NUP85: variants seen among roughly 807,000 people sequenced by gnomAD.
NUP85 encodes the protein nucleoporin 85.
Under a neutral mutation model 92.8 loss-of-function variants are expected in NUP85, and 23 were observed. That is an observed-to-expected ratio of 0.25 (90% CI 0.18 to 0.35). The LOEUF is 0.35. NUP85 is among the 10% of genes least tolerant of loss of function. The pLI is 1.00. For synonymous variants in NUP85, 314 were observed against 306.9 expected (o/e 1.02, Z -0.24); for missense variants, 759 against 822.8 (o/e 0.92, Z 0.95).
chr17:75,218,561 A>G (rs1307403552), intron 7 of NUP85, among the ~76,000 whole-genome samples: 1 of 150,788 alleles, frequency 6.6e-6, no homozygotes, highest in Non-Finnish European at 1.5e-5. Flanking sequence ...TCTAAGGAAG[A>G]GAAGACACAA....
At position 75,234,712 on chromosome 17, in the gene NUP85, T is replaced by C; in HGVS notation, c.1691T>C (p.Met564Thr). The C allele has an allele frequency of 1.2e-6, 2 of 1,614,260 alleles. No homozygotes were observed. Among genetic ancestry groups the C allele is most frequent in the Middle Eastern group, 3.3e-4 (2 of 6,062 alleles). The change falls in exon 17 of 19, where the codon ATG (methionine) becomes ACG (threonine). Residue 564 changes from methionine (M) to threonine (T), a missense_variant. By Grantham distance (81) the Met-to-Thr change is moderately conservative. Coordinates refer to ENST00000245544, the MANE Select transcript of NUP85 (RefSeq NM_024844.5). The stretch of plus-strand genomic sequence containing the variant: ...GCAGCTTCTCTCCTTCTGTCCTTGA[T>C]GACGTCTCGGATTGCCCCTCGGTCT... ...ADAASLLLSL[M>T]TSRIAPRSFW...
chr17:75,217,577 T>C (rs141523480), intron 6 of NUP85, among the ~76,000 whole-genome samples: 3 of 152,214 alleles, frequency 2.0e-5, no homozygotes, highest in African/African-American at 7.2e-5. Flanking sequence ...TTGTGCGATC[T>C]TGGCTCACTG....
intron 6 of NUP85, among the ~76,000 whole-genome samples, chr17:75,216,623 C>G (rs1342522884): frequency 6.6e-6 from 1 of 152,132 alleles, no homozygotes; most frequent in East Asian, 1.9e-4. Context: ...TATGAGCTCT[C>G]TGTGGATCTG....
intron 5 of NUP85, among the ~76,000 whole-genome samples, chr17:75,215,031 C>T (rs2075387664): frequency 6.6e-6 from 1 of 151,746 alleles, no homozygotes; most frequent in African/African-American, 2.4e-5. Flanking sequence ...ATTAGCTGGG[C>T]ATGGTGGCAG....
In NUP85 at chr17:75,212,247, GTTTTTTTTTTTT is replaced by G. The variant is rs1219393857; in HGVS notation, c.361+213_361+224del. ...TTTAGAGGTTTTTTTTTTTGTTGTTGTTTTTTTTTTTTTTTTTTTTTTTTTTTTTTTTTTTTT... is the reference window on the plus strand; with the variant it reads ...TTTAGAGGTTTTTTTTTTTGTTGTTGTTTTTTTTTTTTTTTTTTTTTTTTT... On this transcript the variant is annotated intron_variant, in intron 4 of 18. Coordinates refer to ENST00000245544, the MANE Select transcript of NUP85 (RefSeq NM_024844.5). 6.3e-3 allele frequency among the ~76,000 whole-genome samples: 23 copies of G among 3,672 alleles called. 3 individuals are homozygous for G. In the Admixed American group the frequency reaches 0.067, roughly 11 times the overall value. The allele number at this position is 3,672 out of a possible 152,430, so 2.4% of individuals were successfully genotyped here.
intron 11 of NUP85, chr17:75,228,238 T>C (rs1030024583): frequency 2.0e-6 from 2 of 985,358 alleles, no homozygotes; most frequent in African/African-American, 1.7e-5. Context: ...TCCTGCTGTT[T>C]CCAGTGGCAG....
At position 75,205,770 on chromosome 17, in the gene NUP85, G is replaced by A; in HGVS notation, c.9G>A (p.Glu3=). The A allele has an allele frequency of 6.2e-7, 1 of 1,614,188 alleles. No homozygotes were observed. Among genetic ancestry groups the A allele is most frequent in the Non-Finnish European group, 8.5e-7 (1 of 1,180,038 alleles). The change falls in exon 1 of 19, where the codon GAG becomes GAA. Residue 3 remains glutamate, a synonymous_variant. Transcript: ENST00000245544. ME[E]LDGEPTVTLI... ...GCCTGGGGTTCGGCGCTATGGAGGA[G>A]CTCGATGGCGAGCCAACAGTCACTG... is the stretch of plus-strand genomic sequence containing the variant.
Position 75,231,392 on chromosome 17 carries a change from C to T in NUP85, c.1147C>T (p.His383Tyr). ...GGCCCACCTGACAGACCTGCTGGAC[C>T]ACTGCAAGCTCCTCCAGTCACACAA... The part of the protein sequence containing the change: ...FVAHLTDLLD[H>Y]CKLLQSHNLY... The change falls in exon 12 of 19, where the codon CAC becomes TAC. Residue 383 changes from histidine to tyrosine, a missense_variant. His to Tyr is a moderately conservative substitution (Grantham distance 83). Coordinates refer to ENST00000245544, the MANE Select transcript of NUP85 (RefSeq NM_024844.5). The surrounding 1 kb of genome is among the most constrained non-coding windows in gnomAD (Gnocchi z 4.6). 6.2e-7 allele frequency: 1 copy of T among 1,614,188 alleles called. No individual in the cohort carries two copies. Among genetic ancestry groups the T allele is most frequent in the South Asian group, 1.1e-5 (1 of 91,086 alleles).
intron 11 of NUP85, among the ~76,000 whole-genome samples, chr17:75,227,318 G>A (rs1013066281): frequency 2.4e-5 from 3 of 126,856 alleles, no homozygotes; most frequent in Non-Finnish European, 5.0e-5. Flanking sequence ...TTGTGTGTTT[G>A]TTTCTGGGTT....
intron 1 of NUP85, among the ~76,000 whole-genome samples, chr17:75,206,956 C>T (rs957626433): frequency 1.3e-5 from 2 of 152,112 alleles, no homozygotes; most frequent in African/African-American, 4.8e-5. Context: ...ATCCGCCCAC[C>T]TCGGCCTCCC....
intron 11 of NUP85, among the ~76,000 whole-genome samples, chr17:75,230,041 A>AG (rs1470223992): frequency 1.0e-5 from 1 of 99,616 alleles, no homozygotes; most frequent in African/African-American, 2.9e-5. Context: ...TAAGGTGTAC[A>AG]AAATTTTTTT....
chr17:75,232,148 GGGACAGGAAAGCTAGGGATCCACT>G, intron 14 of NUP85, 169 bp downstream of exon 14: 1 of 700,122 alleles, frequency 1.4e-6, no homozygotes, highest in Non-Finnish European at 2.3e-6. Context: ...TTACTTGGGA[GGGACAGGAAAGCTAGGGATCCACT>G]GGAACCCAGA....
chr17:75,231,726 CT>C lies in NUP85; in HGVS notation c.1244+89del. On this transcript the variant is annotated intron_variant, in intron 13 of 18. Coordinates refer to ENST00000245544, the MANE Select transcript of NUP85 (RefSeq NM_024844.5). This position sits in a 1 kb window ranked among gnomAD's most constrained non-coding sequence, Gnocchi z 4.6. ...GCTTGGACTGTTCTCTCCCAGTTGG[CT>C]CCTTGAAGGCTTCGGAAGGGTCAGT... 4 of 1,603,236 alleles carry C rather than the reference CT, an allele frequency of 2.5e-6. No individual in the cohort carries two copies. Among genetic ancestry groups the C allele is most frequent in the Non-Finnish European group, 3.4e-6 (4 of 1,171,206 alleles).
rs2076244763 is a variant in NUP85, at chr17:75,234,486, G to T, written c.1616-151G>T. ...TGGTCTGCATCTCATTGGGACCTATGAGTTTGGAGACAGAAAAAAATCTCC... is the reference window on the plus strand; with the variant it reads ...TGGTCTGCATCTCATTGGGACCTATTAGTTTGGAGACAGAAAAAAATCTCC... On this transcript the variant is annotated intron_variant, in intron 16 of 18. Transcript: ENST00000245544. 1.5e-5 allele frequency: 11 copies of T among 724,460 alleles called. 1 individual carries two copies. The highest frequency in any genetic ancestry group is 2.6e-5 in the Non-Finnish European group (11 of 421,962). The allele number at this position is 724,460 out of a possible 1,614,324, so 44.9% of individuals were successfully genotyped here.
At chr17:75,222,243 C>T (rs1299046549) in intron 7 of NUP85, among the ~76,000 whole-genome samples, 1 of 152,076 alleles carries the variant, frequency 6.6e-6, no homozygotes, top group Non-Finnish European at 1.5e-5. Context: ...CGGGGTTTTG[C>T]CATGTTGTCC....
Position 75,231,793 on chromosome 17 carries a change from A to G in NUP85, c.1245-35A>G, listed in dbSNP as rs376784231. 1.1e-5 allele frequency: 18 copies of G among 1,612,058 alleles called. No individual in the cohort carries two copies. The highest frequency in any genetic ancestry group is 2.7e-5 in the African/African-American group (2 of 74,878). ...GTGCCAGTCCTCGGAGCCATGAGGC[A>G]GCACCTCATGTCTGTCCTCCTCGAA... On this transcript the variant is annotated intron_variant, in intron 13 of 18. Coordinates refer to ENST00000245544, the MANE Select transcript of NUP85 (RefSeq NM_024844.5). The surrounding 1 kb of genome is among the most constrained non-coding windows in gnomAD (Gnocchi z 4.6).
At chr17:75,233,417 C>CT (rs1177674889) in intron 16 of NUP85, among the ~76,000 whole-genome samples, 7 of 119,212 alleles carry the variant, frequency 5.9e-5, no homozygotes, top group African/African-American at 2.1e-4. Flanking sequence ...TTCTTTCTTT[C>CT]TTCTTTTCTT....
chr17:75,207,357 A>AT (rs1008098852), intron 1 of NUP85, among the ~76,000 whole-genome samples: 5 of 150,462 alleles, frequency 3.3e-5, no homozygotes, highest in Non-Finnish European at 5.9e-5. Context: ...CTAATTTTGT[A>AT]TTTTTTTAGT....
intron 5 of NUP85, among the ~76,000 whole-genome samples, chr17:75,214,563 A>G (rs1453577523): frequency 6.6e-6 from 1 of 152,204 alleles, no homozygotes; most frequent in Non-Finnish European, 1.5e-5. Context: ...CTAAAGCATC[A>G]GTTCATCAAG....
Sources: allele counts gnomAD v4.1 joint callset (sites outside exome capture counted in the v4.1 genomes callset), GRCh38; gene constraint gnomAD v4.1.1; non-coding constraint Gnocchi (gnomAD v3.1); transcripts MANE v1.5; gene names NCBI Gene and HGNC (gene_info 2026-07-23, HGNC 2026-07-21).